Variants in CADPS observed in about 807,000 individuals in gnomAD.
CADPS encodes calcium-dependent secretion activator 1.
A neutral mutation model predicts 167.3 loss-of-function variants in CADPS; 57 were observed. The observed-to-expected ratio is 0.34, with a 90% CI of 0.28 to 0.42. The LOEUF is 0.42. Ranked by LOEUF, CADPS falls within the 20% of genes least tolerant of loss-of-function variation. The pLI is 1.00. For missense variants in CADPS, 1,414 were observed against 1,738.1 expected (o/e 0.81, Z 3.32); for synonymous variants, 676 against 635.3 (o/e 1.06, Z -0.96).
chr3:62,682,540 A>G (rs1040734106), intron 3 of CADPS, among the ~76,000 whole-genome samples: 1 of 152,064 alleles, frequency 6.6e-6, no homozygotes, highest in African/African-American at 2.4e-5. Flanking sequence ...GTCCATTTGA[A>G]TACTTTCTCT....
At chr3:62,555,050 G>A (rs527633668) in intron 10 of CADPS, among the ~76,000 whole-genome samples, 44 of 152,230 alleles carry the variant, frequency 2.9e-4, no homozygotes, top group African/African-American at 1.1e-3. Flanking sequence ...ACCGCGCCTG[G>A]CCAATAATCA....
intron 6 of CADPS, among the ~76,000 whole-genome samples, chr3:62,631,016 T>C (rs1260124866): frequency 1.3e-5 from 2 of 152,132 alleles, no homozygotes; most frequent in East Asian, 3.8e-4. Context: ...TTTTTTTTAG[T>C]TTATTTTTAA....
At chr3:62,734,748 A>C (rs2078645372) in intron 3 of CADPS, among the ~76,000 whole-genome samples, 1 of 152,198 alleles carries the variant, frequency 6.6e-6, no homozygotes, top group Non-Finnish European at 1.5e-5. Context: ...TTAGAAATAA[A>C]ACTGCTACAA....
intron 1 of CADPS, among the ~76,000 whole-genome samples, chr3:62,842,966 T>C (rs1451512593): frequency 6.6e-6 from 1 of 152,196 alleles, no homozygotes; most frequent in Non-Finnish European, 1.5e-5. Flanking sequence ...TTCTTTCTAG[T>C]CTCTGGAAAG....
At chr3:62,580,654 T>C (rs1165743957) in intron 8 of CADPS, among the ~76,000 whole-genome samples, 3 of 149,502 alleles carry the variant, frequency 2.0e-5, no homozygotes, top group African/African-American at 4.9e-5. Flanking sequence ...AGAAATCCAA[T>C]AAGATTAACT....
At chr3:62,700,263 A>G (rs1467431677) in intron 3 of CADPS, among the ~76,000 whole-genome samples, 2 of 152,090 alleles carry the variant, frequency 1.3e-5, no homozygotes, top group African/African-American at 4.8e-5. Flanking sequence ...TCTTCTTAGT[A>G]TGGGCTGGAC....
At chr3:62,533,394 T>C (rs1353327203) in intron 12 of CADPS, among the ~76,000 whole-genome samples, 1 of 152,066 alleles carries the variant, frequency 6.6e-6, no homozygotes, top group African/African-American at 2.4e-5. Context: ...ACCATACACG[T>C]TAAAGGAGTA....
intron 3 of CADPS, among the ~76,000 whole-genome samples, chr3:62,691,578 A>G (rs149868871): frequency 2.2e-3 from 338 of 152,196 alleles, no homozygotes; most frequent in Non-Finnish European, 3.7e-3. Context: ...AAAATAGTGA[A>G]TAAAGAGATA....
chr3:62,794,712 C>T (rs997407400), intron 1 of CADPS, among the ~76,000 whole-genome samples: 1 of 147,912 alleles, frequency 6.8e-6, no homozygotes, highest in Non-Finnish European at 1.5e-5. Context: ...ATGGGAGGGC[C>T]CCGCGGATAC....
chr3:62,492,327 T>C lies in CADPS; in HGVS notation c.2847A>G (p.Pro949=), dbSNP rs762018949. ...VQPPDTWDSF[P]LFQLLNDFLR... is the part of the protein sequence containing the mutation. ...GAAAATCATTCAGCAGCTGAAATAG[T>C]GGAAAACTGTCCCATGTGTCTGGAG... Residue 949 remains proline, a synonymous_variant, in exon 20 of 30, where the codon CCA becomes CCG. Transcript: ENST00000383710. 5.6e-6 allele frequency: 9 copies of C among 1,613,936 alleles called. No homozygotes were observed. The highest frequency in any genetic ancestry group is 5.3e-5 in the African/African-American group (4 of 74,926).
chr3:62,557,364 T>G, intron 10 of CADPS, 41 bp downstream of exon 10: 1 of 1,357,982 alleles, frequency 7.4e-7, no homozygotes, highest in South Asian at 1.2e-5. Flanking sequence ...TTGGGAAGGT[T>G]GAGGGTTTGT....
At chr3:62,454,627 T>A (rs1183067183) in intron 26 of CADPS, among the ~76,000 whole-genome samples, 1 of 152,166 alleles carries the variant, frequency 6.6e-6, no homozygotes, top group African/African-American at 2.4e-5. Flanking sequence ...TAATATTAAC[T>A]GACCGCAAAT....
chr3:62,700,586 G>A (rs1186700274), intron 3 of CADPS, among the ~76,000 whole-genome samples: 2 of 152,002 alleles, frequency 1.3e-5, no homozygotes, highest in African/African-American at 4.8e-5. Context: ...TGACTCATTG[G>A]TGACATTAAA....
rs1290650427 is a variant in CADPS, at chr3:62,570,895, T to C, written c.1621A>G (p.Lys541Glu). ...ACCTGCACCAATACAAAAAACCTTTTCTTCCATCTCTTCCAGACATTCTTA... is the reference window on the plus strand; with the variant it reads ...ACCTGCACCAATACAAAAAACCTTTCCTTCCATCTCTTCCAGACATTCTTA... ...IGKNVWKRWK[K>E]RFFVLVQVSQ... The change falls in exon 9 of 30, where the codon AAA (lysine) becomes GAA (glutamate). Residue 541 changes from lysine (K) to glutamate (E), a missense_variant. By Grantham distance (56) the Lys-to-Glu change is moderately conservative (BLOSUM62 1). This residue lies in a region of CADPS where 157 missense variants were observed against 229.4 expected (regional missense o/e 0.68). Coordinates refer to ENST00000383710, the MANE Select transcript of CADPS (RefSeq NM_003716.4). The C allele has an allele frequency of 1.2e-6, 2 of 1,610,572 alleles. No homozygotes were observed. Among genetic ancestry groups the C allele is most frequent in the Non-Finnish European group, 1.7e-6 (2 of 1,176,794 alleles).
chr3:62,513,274 C>T (rs749194515), intron 16 of CADPS, among the ~76,000 whole-genome samples: 29 of 152,004 alleles, frequency 1.9e-4, no homozygotes, highest in Non-Finnish European at 2.6e-4. Flanking sequence ...TATCTGACAC[C>T]TAACGCATTG....
chr3:62,647,849 A>T (rs572238007), intron 5 of CADPS, among the ~76,000 whole-genome samples: 1 of 152,298 alleles, frequency 6.6e-6, no homozygotes, highest in Admixed American at 6.5e-5. Flanking sequence ...ACCTGAAAAG[A>T]CTATTGTGAG....
At chr3:62,563,751 C>G (rs374772405) in intron 9 of CADPS, among the ~76,000 whole-genome samples, 1 of 152,162 alleles carries the variant, frequency 6.6e-6, no homozygotes, top group South Asian at 2.1e-4. Context: ...TCTTTGCATC[C>G]TCATAGTTTA....
intron 11 of CADPS, among the ~76,000 whole-genome samples, chr3:62,545,155 A>G (rs1178116817): frequency 6.6e-6 from 1 of 152,172 alleles, no homozygotes; most frequent in African/African-American, 2.4e-5. Flanking sequence ...ATTAGTTGAG[A>G]AACAGACATT....
chr3:62,638,307 C>T (rs935844254), intron 6 of CADPS, among the ~76,000 whole-genome samples: 2 of 151,916 alleles, frequency 1.3e-5, no homozygotes, highest in Admixed American at 1.3e-4. Context: ...AGAATTTCCC[C>T]CTCATTCTAT....
Sources: allele counts gnomAD v4.1 joint callset (sites outside exome capture counted in the v4.1 genomes callset), GRCh38; gene constraint gnomAD v4.1.1; regional missense constraint gnomAD v4.1.1; transcripts MANE v1.5; gene names NCBI Gene and HGNC (gene_info 2026-07-23, HGNC 2026-07-21).